Variants in DDAH1 observed in about 807,000 individuals in gnomAD.
The protein encoded by DDAH1 is dimethylarginine dimethylaminohydrolase 1.
DDAH1 carries 19 observed loss-of-function variants against 28.8 expected under a neutral mutation model. The observed-to-expected ratio is 0.66, with a 90% CI of 0.46 to 0.97. The LOEUF is 0.97. Ranked by LOEUF, DDAH1 falls within the 50% of genes least tolerant of loss-of-function variation. The pLI, the probability that DDAH1 is intolerant of heterozygous loss-of-function variation, is 0.00. For synonymous variants in DDAH1, 153 were observed against 154.4 expected (o/e 0.99, Z 0.07); for missense variants, 326 against 375.9 (o/e 0.87, Z 1.10).
Position 85,452,315 on chromosome 1 carries a change from GACA to G in DDAH1, c.303+12425_303+12427del, listed in dbSNP as rs553293471. Among the ~76,000 whole-genome samples the G allele has an allele frequency of 6.6e-4, 100 of 152,128 alleles. 2 individuals are homozygous for G. The highest frequency in any genetic ancestry group is 3.4e-3 in the Middle Eastern group (1 of 294). On this transcript the variant is annotated intron_variant, in intron 1 of 5. Transcript: ENST00000284031. Reference sequence around the variant, plus strand: ...TAGATAAGTAGATTTAAAACCTGTTGACAACAACAACGACATAAATAAATAAAT... The same window carrying G: ...TAGATAAGTAGATTTAAAACCTGTTGACAACAACGACATAAATAAATAAAT...
At chr1:85,472,174 T>C (rs1403971403) in intron 2 of DDAH1, among the ~76,000 whole-genome samples, 1 of 152,236 alleles carries the variant, frequency 6.6e-6, no homozygotes, top group African/African-American at 2.4e-5. Context: ...ACCTTGTTTG[T>C]AGATCATAAG....
At chr1:85,496,891 G>A (rs12405021) in intron 1 of DDAH1, among the ~76,000 whole-genome samples, 2,943 of 152,166 alleles carry the variant, frequency 0.019, 120 homozygotes, top group East Asian at 0.13. Context: ...CATTCAGCAC[G>A]AACACTAATA....
At chr1:85,555,380 G>A (rs1228778540) in intron 1 of DDAH1, among the ~76,000 whole-genome samples, 1 of 152,216 alleles carries the variant, frequency 6.6e-6, no homozygotes, top group African/African-American at 2.4e-5. Context: ...TTGTCCTTAG[G>A]AAGGTTACGG....
intron 2 of DDAH1, among the ~76,000 whole-genome samples, chr1:85,489,876 A>T (rs1656327839): frequency 1.3e-5 from 2 of 152,194 alleles, no homozygotes; most frequent in Non-Finnish European, 2.9e-5. Context: ...TAGTAAAATT[A>T]AAAAATATTT....
chr1:85,506,061 G>C (rs867161344), intron 1 of DDAH1, among the ~76,000 whole-genome samples: 25 of 152,354 alleles, frequency 1.6e-4, no homozygotes, highest in Middle Eastern at 3.4e-3. Flanking sequence ...TCAGAATCCA[G>C]TGGGAGAAGA....
intron 1 of DDAH1, among the ~76,000 whole-genome samples, chr1:85,410,061 A>G (rs1652576776): frequency 6.6e-6 from 1 of 151,960 alleles, no homozygotes; most frequent in Admixed American, 6.6e-5. Context: ...CGGGAGGATC[A>G]CTTGAGCCCA....
chr1:85,464,994 C>G lies in DDAH1; in HGVS notation c.52G>C (p.Val18Leu), dbSNP rs897977961. Residue 18 changes from valine to leucine, a missense_variant, in exon 1 of 6, where the codon GTG becomes CTG. By Grantham distance (32) the Val-to-Leu change is conservative. Transcript: ENST00000284031. This position sits in a 1 kb window ranked among gnomAD's most constrained non-coding sequence, Gnocchi z 4.4. ...CCGAGCGACTCGGGTAGCGCCCGCACCACGGCGTGGGTGGCCCGGCCGAAG... is the reference window on the plus strand; with the variant it reads ...CCGAGCGACTCGGGTAGCGCCCGCAGCACGGCGTGGGTGGCCCGGCCGAAG... ...AAFGRATHAV[V>L]RALPESLGQH... 15 of 1,403,724 alleles carry G rather than the reference C, an allele frequency of 1.1e-5. No individual in the cohort carries two copies. Among genetic ancestry groups the G allele is most frequent in the Non-Finnish European group, 1.4e-5 (15 of 1,079,554 alleles). The allele number at this position is 1,403,724 out of a possible 1,614,324, so 87.0% of individuals were successfully genotyped here.
Position 85,464,780 on chromosome 1 carries a change from A to G in DDAH1, c.266T>C (p.Leu89Pro). 1 of 1,574,474 alleles carries G rather than the reference A, an allele frequency of 6.4e-7. No homozygotes were observed. ...DVAVVCEETA[L>P]ITRPGAPSRR... ...GCTCGGCGCCCCGGGTCGGGTGATG[A>G]GGGCCGTCTCCTCGCACACCACGGC... The change falls in exon 1 of 6, where the codon CTC becomes CCC. Residue 89 changes from leucine to proline, a missense_variant. Coordinates refer to ENST00000284031, the MANE Select transcript of DDAH1 (RefSeq NM_012137.4). The surrounding 1 kb of genome is among the most constrained non-coding windows in gnomAD (Gnocchi z 4.4).
chr1:85,321,057 T>C lies in DDAH1; in HGVS notation c.*395A>G, dbSNP rs1282551700. On this transcript the variant is annotated 3_prime_UTR_variant, in exon 6 of 6. Coordinates refer to ENST00000284031, the MANE Select transcript of DDAH1 (RefSeq NM_012137.4). ...CAGGGACTTTCACAGGAACCAAACA[T>C]GATTCATGAAAAAAAAAAAAAAAAA... 1 of 129,224 alleles carries C rather than the reference T, an allele frequency of 7.7e-6. No individual in the cohort carries two copies. Among genetic ancestry groups the C allele is most frequent in the Non-Finnish European group, 1.6e-5 (1 of 64,342 alleles). 8.0% of individuals were successfully genotyped at this position (129,224 alleles called of 1,614,324 possible).
At position 85,464,785 on chromosome 1, in the gene DDAH1, C is replaced by A. The variant is rs1485343841; in HGVS notation, c.261G>T (p.Thr87=). 5.1e-6 allele frequency: 8 copies of A among 1,578,932 alleles called. No homozygotes were observed. Among genetic ancestry groups the A allele is most frequent in the South Asian group, 1.1e-5 (1 of 88,478 alleles). The change falls in exon 1 of 6, where the codon ACG becomes ACT. Residue 87 remains threonine, a synonymous_variant. Coordinates refer to ENST00000284031, the MANE Select transcript of DDAH1 (RefSeq NM_012137.4). This position sits in a 1 kb window ranked among gnomAD's most constrained non-coding sequence, Gnocchi z 4.4. Reference sequence around the variant, plus strand: ...GCGCCCCGGGTCGGGTGATGAGGGCCGTCTCCTCGCACACCACGGCCACGT... The same window carrying A: ...GCGCCCCGGGTCGGGTGATGAGGGCAGTCTCCTCGCACACCACGGCCACGT... The part of the protein sequence containing the change: ...VEDVAVVCEE[T]ALITRPGAPS...
At chr1:85,478,420 T>C (rs1358814166) in intron 2 of DDAH1, among the ~76,000 whole-genome samples, 5 of 152,222 alleles carry the variant, frequency 3.3e-5, no homozygotes, top group African/African-American at 4.8e-5. Flanking sequence ...CAGTTCCACA[T>C]GGCTGAGGAG....
chr1:85,567,499 G>A (rs1659338185), intron 1 of DDAH1, among the ~76,000 whole-genome samples: 1 of 152,086 alleles, frequency 6.6e-6, no homozygotes, highest in Admixed American at 6.5e-5. Flanking sequence ...GCTCCTTTTT[G>A]CCTTCCACTG....
At chr1:85,333,345 C>T (rs1647897891) in intron 4 of DDAH1, among the ~76,000 whole-genome samples, 1 of 152,098 alleles carries the variant, frequency 6.6e-6, no homozygotes, top group Admixed American at 6.5e-5. Context: ...CCTATGAAAA[C>T]CAATCTAAAA....
At chr1:85,345,695 T>G (rs940112622) in intron 4 of DDAH1, among the ~76,000 whole-genome samples, 7 of 152,136 alleles carry the variant, frequency 4.6e-5, no homozygotes, top group Non-Finnish European at 8.8e-5. Context: ...TGAAACCCCA[T>G]CTCTACTAAA....
intron 1 of DDAH1, among the ~76,000 whole-genome samples, chr1:85,523,453 G>T (rs1432047697): frequency 6.6e-6 from 1 of 152,114 alleles, no homozygotes; most frequent in Admixed American, 6.6e-5. Context: ...TTAGCATCTT[G>T]GCTGGACTAA....
intron 1 of DDAH1, among the ~76,000 whole-genome samples, chr1:85,444,378 G>A (rs556134179): frequency 3.0e-4 from 45 of 152,316 alleles, no homozygotes; most frequent in African/African-American, 1.0e-3. Flanking sequence ...CTTGATCATG[G>A]TGGATAAGCT....
At chr1:85,474,152 C>T (rs191461385) in intron 2 of DDAH1, among the ~76,000 whole-genome samples, 5 of 152,294 alleles carry the variant, frequency 3.3e-5, no homozygotes, top group Admixed American at 2.0e-4. Flanking sequence ...CATGTTTTGA[C>T]CAATCAATCC....
chr1:85,344,859 C>T (rs1648743172), intron 4 of DDAH1, among the ~76,000 whole-genome samples: 1 of 151,986 alleles, frequency 6.6e-6, no homozygotes, highest in Admixed American at 6.6e-5. Flanking sequence ...CTTTTTCCCC[C>T]TTAATTAAAA....
At chr1:85,480,130 G>A (rs1251379780) in intron 2 of DDAH1, among the ~76,000 whole-genome samples, 1 of 152,150 alleles carries the variant, frequency 6.6e-6, no homozygotes, top group Non-Finnish European at 1.5e-5. Context: ...AGGTAAAACT[G>A]TGACAGAGTC....
Sources: gnomAD v4.1 joint callset for allele counts (sites outside exome capture counted in the v4.1 genomes callset) on GRCh38, gnomAD v4.1.1 for gene constraint, Gnocchi (gnomAD v3.1) non-coding constraint, MANE v1.5 for transcripts, NCBI Gene and HGNC (gene_info 2026-07-23, HGNC 2026-07-21) for gene names.